The following ARB2A variants were observed in gnomAD, a reference collection of about 807,000 sequenced individuals.
The protein encoded by ARB2A is ARB2 cotranscriptional regulator A, also known as cotranscriptional regulator ARB2A.
At chr5:94,058,863 T>C in the ARB2A span, among the ~76,000 whole-genome samples, 2 of 152,066 alleles carry the variant, frequency 1.3e-5, no homozygotes, top group Non-Finnish European at 1.5e-5. Flanking sequence ...GTTTGGGTCA[T>C]GGGGGCAGAA....
the ARB2A span, among the ~76,000 whole-genome samples, chr5:93,765,751 C>A: frequency 1.3e-5 from 2 of 152,136 alleles, no homozygotes; most frequent in African/African-American, 4.8e-5. Flanking sequence ...GCCAAAAGAA[C>A]AAAGCTGGAG....
chr5:93,620,992 G>A, the ARB2A span: 4 of 1,609,076 alleles, frequency 2.5e-6, no homozygotes, highest in South Asian at 3.3e-5. Context: ...TCCTCTTACA[G>A]CTCTTCGTGC....
the ARB2A span, among the ~76,000 whole-genome samples, chr5:93,662,890 C>A: frequency 6.6e-6 from 1 of 152,222 alleles, no homozygotes; most frequent in African/African-American, 2.4e-5. Context: ...GTTCTGAAAG[C>A]TGGGAAGTCC....
chr5:93,993,755 TAAG>T, the ARB2A span, among the ~76,000 whole-genome samples: 1 of 151,608 alleles, frequency 6.6e-6, no homozygotes, highest in Non-Finnish European at 1.5e-5. Flanking sequence ...GTAAGAACTC[TAAG>T]AAGAGACTGA....
At chr5:93,958,503 T>C in the ARB2A span, among the ~76,000 whole-genome samples, 1 of 152,026 alleles carries the variant, frequency 6.6e-6, no homozygotes, top group Non-Finnish European at 1.5e-5. Context: ...TTTTAGAAAA[T>C]ATTAACCCTG....
chr5:93,644,456 A>C, the ARB2A span, among the ~76,000 whole-genome samples: 1 of 152,182 alleles, frequency 6.6e-6, no homozygotes, highest in Non-Finnish European at 1.5e-5. Flanking sequence ...CTGCAGACTG[A>C]ACCCTTAAAG....
chr5:94,008,733 T>C, the ARB2A span, among the ~76,000 whole-genome samples: 1 of 152,174 alleles, frequency 6.6e-6, no homozygotes, highest in Non-Finnish European at 1.5e-5. Context: ...AATATATCTG[T>C]ATGCTTTTCT....
At chr5:93,685,394 T>C in the ARB2A span, among the ~76,000 whole-genome samples, 5 of 152,334 alleles carry the variant, frequency 3.3e-5, no homozygotes, top group African/African-American at 1.2e-4. Flanking sequence ...AAGACTCTGA[T>C]AATAATCTTA....
At chr5:93,703,262 C>T in the ARB2A span, among the ~76,000 whole-genome samples, 40 of 152,306 alleles carry the variant, frequency 2.6e-4, no homozygotes, top group Admixed American at 1.8e-3. Flanking sequence ...CTGGTGCTGC[C>T]GTTCTCTGGC....
chr5:93,787,008 C>A, the ARB2A span, among the ~76,000 whole-genome samples: 177 of 152,224 alleles, frequency 1.2e-3, 1 homozygote, highest in African/African-American at 4.0e-3. Context: ...TCATCAAAGT[C>A]CTTCTATATA....
chr5:94,059,618 CAAAAAAAAAAA>C, the ARB2A span, among the ~76,000 whole-genome samples: 4 of 62,782 alleles, frequency 6.4e-5, no homozygotes, highest in South Asian at 2.6e-3. Context: ...GAGACTGTCT[CAAAAAAAAAAA>C]AAAAAAAAAA....
At chr5:93,975,290 C>CTGGG in the ARB2A span, among the ~76,000 whole-genome samples, 1 of 142,490 alleles carries the variant, frequency 7.0e-6, no homozygotes, top group African/African-American at 2.6e-5. Flanking sequence ...GCACTCCAGC[C>CTGGG]TGGGACACAG....
At chr5:94,110,978 T>C in the ARB2A span, among the ~76,000 whole-genome samples, 1 of 152,156 alleles carries the variant, frequency 6.6e-6, no homozygotes, top group Non-Finnish European at 1.5e-5. Context: ...TTCCAAAACA[T>C]ACTTACTTTA....
chr5:94,052,357 T>A, the ARB2A span, among the ~76,000 whole-genome samples: 1 of 152,202 alleles, frequency 6.6e-6, no homozygotes, highest in African/African-American at 2.4e-5. Flanking sequence ...AGAGAAAAGA[T>A]CAAAGTTTCT....
At chr5:94,102,792 G>T in the ARB2A span, among the ~76,000 whole-genome samples, 1 of 151,912 alleles carries the variant, frequency 6.6e-6, no homozygotes. Flanking sequence ...CCTACAAAGG[G>T]AACCCCATCA....
chr5:93,954,333 G>A, the ARB2A span, among the ~76,000 whole-genome samples: 2 of 151,886 alleles, frequency 1.3e-5, no homozygotes, highest in African/African-American at 4.8e-5. Context: ...CTTTAGTCAG[G>A]TGATGAATCC....
At chr5:93,798,588 C>T in the ARB2A span, among the ~76,000 whole-genome samples, 2 of 152,066 alleles carry the variant, frequency 1.3e-5, no homozygotes, top group Non-Finnish European at 2.9e-5. Flanking sequence ...CATGGCTCCA[C>T]CTGTACCATC....
chr5:93,896,211 T>C, the ARB2A span, among the ~76,000 whole-genome samples: 2 of 152,044 alleles, frequency 1.3e-5, no homozygotes, highest in African/African-American at 2.4e-5. Flanking sequence ...GTCATAACTA[T>C]CAAGTTGGAA....
chr5:93,898,716 T>C, the ARB2A span, among the ~76,000 whole-genome samples: 1 of 152,126 alleles, frequency 6.6e-6, no homozygotes, highest in Non-Finnish European at 1.5e-5. Flanking sequence ...AATGATATGA[T>C]TGGCTTAAGG....
Sources: gnomAD v4.1 joint callset for allele counts (sites outside exome capture counted in the v4.1 genomes callset) on GRCh38, gnomAD v4.1.1 for gene constraint, MANE v1.5 for transcripts, NCBI Gene and HGNC (gene_info 2026-07-23, HGNC 2026-07-21) for gene names.